The following UBE2R2 variants were observed in gnomAD, a reference collection of about 807,000 sequenced individuals.
UBE2R2 encodes the protein ubiquitin-conjugating enzyme E2 R2.
In UBE2R2, 1 loss-of-function variant was observed where a neutral mutation model predicts 27.8. The observed-to-expected ratio is 0.04, with a 90% CI of 0.01 to 0.17. The LOEUF is 0.17. UBE2R2 is among the 10% of genes least tolerant of loss of function. UBE2R2 has a pLI of 1.00. For synonymous variants in UBE2R2, 106 were observed against 113.3 expected (o/e 0.94, Z 0.41); for missense variants, 100 against 291.0 (o/e 0.34, Z 4.78).
At chr9:33,856,088 T>C (rs2130760210) in intron 1 of UBE2R2, among the ~76,000 whole-genome samples, 1 of 152,212 alleles carries the variant, frequency 6.6e-6, no homozygotes, top group South Asian at 2.1e-4. Flanking sequence ...GCAGGGCTCT[T>C]ACCCTGTCCT....
chr9:33,873,630 T>C (rs1821536716), intron 1 of UBE2R2, among the ~76,000 whole-genome samples: 1 of 152,166 alleles, frequency 6.6e-6, no homozygotes, highest in African/African-American at 2.4e-5. Flanking sequence ...AAAAATATCC[T>C]GTAATTTATA....
At chr9:33,886,547 C>T (rs937723263) in intron 1 of UBE2R2, among the ~76,000 whole-genome samples, 2 of 149,656 alleles carry the variant, frequency 1.3e-5, no homozygotes, top group Non-Finnish European at 3.0e-5. Context: ...CCCAGCTACT[C>T]GGGAGGCTGA....
intron 1 of UBE2R2, among the ~76,000 whole-genome samples, chr9:33,856,082 G>T (rs1382713981): frequency 6.6e-6 from 1 of 151,984 alleles, no homozygotes; most frequent in Non-Finnish European, 1.5e-5. Flanking sequence ...ATACTAGCAG[G>T]GCTCTTACCC....
At chr9:33,913,460 C>T (rs1424050787) in intron 4 of UBE2R2, among the ~76,000 whole-genome samples, 3 of 151,950 alleles carry the variant, frequency 2.0e-5, no homozygotes, top group Admixed American at 6.6e-5. Flanking sequence ...TGAGGTCTTG[C>T]TGTGTTGCCC....
chr9:33,856,350 C>T (rs1478015135), intron 1 of UBE2R2, among the ~76,000 whole-genome samples: 1 of 152,042 alleles, frequency 6.6e-6, no homozygotes, highest in Admixed American at 6.6e-5. Context: ...TGATGTGAAA[C>T]AGTAGTTTCT....
intron 1 of UBE2R2, among the ~76,000 whole-genome samples, chr9:33,829,568 A>G (rs1563981246): frequency 6.6e-6 from 1 of 152,156 alleles, no homozygotes; most frequent in Admixed American, 6.6e-5. Flanking sequence ...ATGAGAAATG[A>G]TGATATAGTA....
chr9:33,905,113 T>A (rs532439928), intron 3 of UBE2R2, among the ~76,000 whole-genome samples: 46 of 152,302 alleles, frequency 3.0e-4, no homozygotes, highest in African/African-American at 1.0e-3. Flanking sequence ...CTATAGGCTC[T>A]GGGATGGTGA....
At chr9:33,863,378 G>GGTGC (rs1821288463) in intron 1 of UBE2R2, among the ~76,000 whole-genome samples, 1 of 151,326 alleles carries the variant, frequency 6.6e-6, no homozygotes, top group Non-Finnish European at 1.5e-5. Flanking sequence ...AGGGCGTGGT[G>GGTGC]GTGCGTGCCT....
At chr9:33,909,627 G>A (rs1428188323) in intron 3 of UBE2R2, among the ~76,000 whole-genome samples, 1 of 152,178 alleles carries the variant, frequency 6.6e-6, no homozygotes, top group African/African-American at 2.4e-5. Flanking sequence ...CACCATGTTA[G>A]CCAGGATGGT....
chr9:33,908,118 C>T (rs1362097164), intron 3 of UBE2R2, among the ~76,000 whole-genome samples: 1 of 152,224 alleles, frequency 6.6e-6, no homozygotes, highest in African/African-American at 2.4e-5. Flanking sequence ...AGCCACCGCA[C>T]CCCGCCTGAA....
At chr9:33,830,149 A>G (rs1048523051) in intron 1 of UBE2R2, among the ~76,000 whole-genome samples, 3 of 139,864 alleles carry the variant, frequency 2.1e-5, no homozygotes, top group Non-Finnish European at 3.1e-5. Context: ...TGGATTTCCA[A>G]GTTTCATAAT....
intron 1 of UBE2R2, among the ~76,000 whole-genome samples, chr9:33,838,432 T>G (rs1299413742): frequency 6.6e-6 from 1 of 152,108 alleles, no homozygotes; most frequent in African/African-American, 2.4e-5. Flanking sequence ...TGGACTGTTT[T>G]CTTCACGTTG....
Position 33,838,352 on chromosome 9 carries a change from C to T in UBE2R2, c.177+20418C>T, listed in dbSNP as rs779816728. 4.7e-5 allele frequency among the ~76,000 whole-genome samples: 7 copies of T among 147,582 alleles called. No individual in the cohort carries two copies. The South Asian group carries it at 6.4e-4, about 14-fold the overall frequency. ...GGATATGGAGGGCCTACTGTGTATA[C>T]GTATATAATGTTTATATATATGTAT... On this transcript the variant is annotated intron_variant, in intron 1 of 4. Transcript: ENST00000263228.
chr9:33,847,401 T>G (rs2130748454), intron 1 of UBE2R2, among the ~76,000 whole-genome samples: 1 of 152,170 alleles, frequency 6.6e-6, no homozygotes, highest in Admixed American at 6.6e-5. Flanking sequence ...GGCCCTGGCT[T>G]GCTTAATTTC....
intron 1 of UBE2R2, among the ~76,000 whole-genome samples, chr9:33,841,270 G>C (rs537205132): frequency 6.6e-6 from 1 of 152,182 alleles, no homozygotes; most frequent in South Asian, 2.1e-4. Flanking sequence ...AGTAGAGACG[G>C]AGTTTCACCA....
At chr9:33,820,286 T>G (rs748333347) in intron 1 of UBE2R2, among the ~76,000 whole-genome samples, 5 of 152,242 alleles carry the variant, frequency 3.3e-5, no homozygotes, top group Non-Finnish European at 5.9e-5. Context: ...CAGTCCTTGT[T>G]TAAAAGAATG....
intron 1 of UBE2R2, among the ~76,000 whole-genome samples, chr9:33,827,879 G>A (rs1820350293): frequency 1.3e-5 from 2 of 151,392 alleles, no homozygotes; most frequent in South Asian, 2.1e-4. Flanking sequence ...GCTGAGGCGG[G>A]TGAATTGCTT....
intron 3 of UBE2R2, among the ~76,000 whole-genome samples, chr9:33,906,715 A>G (rs968676083): frequency 5.3e-5 from 8 of 152,192 alleles, no homozygotes; most frequent in East Asian, 1.9e-4. Context: ...GCATTGGGTC[A>G]TACAATCCTA....
chr9:33,858,672 C>G (rs903563267), intron 1 of UBE2R2, among the ~76,000 whole-genome samples: 1 of 152,062 alleles, frequency 6.6e-6, no homozygotes, highest in East Asian at 1.9e-4. Flanking sequence ...TCCCAGGGTT[C>G]TGGGATTACA....
Sources: gnomAD v4.1 joint callset for allele counts (sites outside exome capture counted in the v4.1 genomes callset) on GRCh38, gnomAD v4.1.1 for gene constraint, MANE v1.5 for transcripts, NCBI Gene and HGNC (gene_info 2026-07-23, HGNC 2026-07-21) for gene names.